The following BMPR1B variants were observed in gnomAD, a reference collection of about 807,000 sequenced individuals.
BMPR1B encodes the protein bone morphogenetic protein receptor type-1B.
A neutral mutation model predicts 59.1 loss-of-function variants in BMPR1B; 12 were observed. The ratio of observed to expected loss-of-function variants is 0.20; its 90% confidence interval spans 0.13 to 0.33. The LOEUF (loss-of-function observed/expected upper bound fraction) is 0.33. Among genes scored for constraint, BMPR1B ranks in the 10% least tolerant of loss-of-function variants. BMPR1B has a pLI of 1.00. For synonymous variants in BMPR1B, 237 were observed against 207.3 expected (o/e 1.14, Z -1.23); for missense variants, 550 against 610.9 (o/e 0.90, Z 1.05).
intron 2 of BMPR1B, among the ~76,000 whole-genome samples, chr4:94,941,508 T>TA (rs1351036434): frequency 6.6e-6 from 1 of 152,166 alleles, no homozygotes; most frequent in East Asian, 1.9e-4. Flanking sequence ...ATAGTACAGT[T>TA]AAAATCAATA....
intron 1 of BMPR1B, among the ~76,000 whole-genome samples, chr4:94,839,312 C>G (rs1272027387): frequency 7.2e-6 from 1 of 139,652 alleles, no homozygotes; most frequent in Non-Finnish European, 1.6e-5. Context: ...TCCTGGGTAT[C>G]CTTGTTGACT....
intron 12 of BMPR1B, among the ~76,000 whole-genome samples, chr4:95,153,826 C>T (rs1030315201): frequency 3.9e-5 from 6 of 152,082 alleles, no homozygotes; most frequent in East Asian, 1.9e-4. Flanking sequence ...CTCGACAGAC[C>T]GAGACCCTGT....
chr4:94,814,194 A>G (rs1723926714), intron 1 of BMPR1B, among the ~76,000 whole-genome samples: 1 of 152,232 alleles, frequency 6.6e-6, no homozygotes, highest in African/African-American at 2.4e-5. Context: ...TTTCATAAAA[A>G]TGTGTTTCTC....
chr4:94,942,664 A>G (rs1017239057), intron 2 of BMPR1B, among the ~76,000 whole-genome samples: 5 of 152,254 alleles, frequency 3.3e-5, no homozygotes, highest in African/African-American at 1.2e-4. Context: ...ATGTCATCTT[A>G]TAGCTGATAC....
At chr4:94,824,656 C>T (rs187462139) in intron 1 of BMPR1B, among the ~76,000 whole-genome samples, 13 of 152,220 alleles carry the variant, frequency 8.5e-5, no homozygotes, top group African/African-American at 3.1e-4. Flanking sequence ...AAAACATTTA[C>T]TTGTGAAATA....
intron 2 of BMPR1B, among the ~76,000 whole-genome samples, chr4:94,916,373 G>A (rs1402502825): frequency 6.6e-6 from 1 of 152,152 alleles, no homozygotes; most frequent in Non-Finnish European, 1.5e-5. Context: ...TACAGTGAAG[G>A]CCAGGCTGCC....
At chr4:95,039,167 A>T (rs1171306976) in intron 3 of BMPR1B, among the ~76,000 whole-genome samples, 2 of 152,200 alleles carry the variant, frequency 1.3e-5, no homozygotes, top group African/African-American at 4.8e-5. Flanking sequence ...TTTGTGTCAG[A>T]TGCGTCACTG....
intron 1 of BMPR1B, among the ~76,000 whole-genome samples, chr4:94,794,983 C>T: frequency 6.8e-6 from 1 of 146,328 alleles, no homozygotes; most frequent in East Asian, 2.1e-4. Flanking sequence ...AATTTGACTT[C>T]CTCTTTTCCT....
chr4:95,147,413 G>A (rs1216927547), intron 10 of BMPR1B, among the ~76,000 whole-genome samples: 1 of 152,100 alleles, frequency 6.6e-6, no homozygotes, highest in African/African-American at 2.4e-5. Context: ...AGAGGTTTTT[G>A]ATTTTTGTTT....
intron 2 of BMPR1B, among the ~76,000 whole-genome samples, chr4:94,906,750 G>A (rs1051013348): frequency 6.6e-6 from 1 of 151,972 alleles, no homozygotes. Context: ...CATATATTTA[G>A]GGTAGTGAAG....
At chr4:95,032,112 A>G (rs191895832) in intron 3 of BMPR1B, among the ~76,000 whole-genome samples, 56 of 152,214 alleles carry the variant, frequency 3.7e-4, no homozygotes, top group African/African-American at 1.2e-3. Flanking sequence ...AGCTTAGACA[A>G]CAGACGTTTA....
At chr4:94,837,370 T>C (rs2148930273) in intron 1 of BMPR1B, among the ~76,000 whole-genome samples, 1 of 145,822 alleles carries the variant, frequency 6.9e-6, no homozygotes, top group South Asian at 2.3e-4. Context: ...ATTTTCACGA[T>C]ATTGATTCTT....
intron 2 of BMPR1B, among the ~76,000 whole-genome samples, chr4:94,976,516 T>G (rs1731039700): frequency 6.6e-6 from 1 of 152,204 alleles, no homozygotes; most frequent in Non-Finnish European, 1.5e-5. Context: ...TACACTCATT[T>G]CTGCCCTCAA....
chr4:94,791,466 G>T (rs1425712753), intron 1 of BMPR1B, among the ~76,000 whole-genome samples: 1 of 152,118 alleles, frequency 6.6e-6, no homozygotes, highest in African/African-American at 2.4e-5. Flanking sequence ...ATAAGGAAAA[G>T]TTATGTCTCA....
At chr4:95,090,682 T>G (rs912941993) in intron 3 of BMPR1B, among the ~76,000 whole-genome samples, 1 of 152,026 alleles carries the variant, frequency 6.6e-6, no homozygotes, top group African/African-American at 2.4e-5. Context: ...TTGAAATATT[T>G]GTGTATGGTA....
intron 1 of BMPR1B, among the ~76,000 whole-genome samples, chr4:94,837,068 T>C (rs1394251047): frequency 6.9e-6 from 1 of 143,950 alleles, no homozygotes; most frequent in African/African-American, 2.6e-5. Flanking sequence ...CAGATAGTTG[T>C]AGATATGCGG....
At chr4:94,808,412 C>T (rs1247024571) in intron 1 of BMPR1B, among the ~76,000 whole-genome samples, 1 of 152,064 alleles carries the variant, frequency 6.6e-6, no homozygotes, top group Non-Finnish European at 1.5e-5. Context: ...ATTTTAATGG[C>T]TACTGAATGT....
At chr4:95,080,306 G>T (rs192992423) in intron 3 of BMPR1B, among the ~76,000 whole-genome samples, 91 of 151,776 alleles carry the variant, frequency 6.0e-4, no homozygotes, top group African/African-American at 1.9e-3. Flanking sequence ...GTACGATCTC[G>T]GCTCACTGCA....
intron 2 of BMPR1B, among the ~76,000 whole-genome samples, chr4:94,950,541 T>C (rs926968353): frequency 6.6e-6 from 1 of 152,218 alleles, no homozygotes; most frequent in Non-Finnish European, 1.5e-5. Flanking sequence ...ATTTATTAAA[T>C]AGGGAATCCT....
Sources: gnomAD v4.1 joint callset for allele counts (sites outside exome capture counted in the v4.1 genomes callset) on GRCh38, gnomAD v4.1.1 for gene constraint, MANE v1.5 for transcripts, NCBI Gene and HGNC (gene_info 2026-07-23, HGNC 2026-07-21) for gene names.